MMP24: variants seen among roughly 807,000 people sequenced by gnomAD.
MMP24 encodes matrix metalloproteinase-24.
In MMP24, 25 loss-of-function variants were observed where a neutral mutation model predicts 62.8. The ratio of observed to expected loss-of-function variants is 0.40; its 90% CI spans 0.29 to 0.56. The LOEUF is 0.56. Among genes scored for constraint, MMP24 ranks in the 20% least tolerant of loss-of-function variants. MMP24 has a pLI of 0.50. For synonymous variants in MMP24, 319 were observed against 350.5 expected, an observed-to-expected ratio of 0.91 and a Z score of 1.00; for missense variants, 634 against 853.6, an observed-to-expected ratio of 0.74 and a Z score of 3.21.
rs373614485 is a variant in MMP24, at chr20:35,271,521, G to A, written c.1334-48G>A. 56 of 1,584,994 alleles carry A rather than the reference G, an allele frequency of 3.5e-5. No homozygotes were observed. The highest frequency in any genetic ancestry group is 1.7e-4 in the Admixed American group (10 of 57,676). On this transcript the variant is annotated intron_variant, in intron 7 of 8. Coordinates refer to ENST00000246186, the MANE Select transcript of MMP24 (RefSeq NM_006690.4). This position sits in a 1 kb window ranked among gnomAD's most constrained non-coding sequence, Gnocchi z 4.0. ...CCTGACACCCTGAAGATGGGCAAACGGCACTGAGTGACTGGGGAAGCTGAT... is the reference window on the plus strand; with the variant it reads ...CCTGACACCCTGAAGATGGGCAAACAGCACTGAGTGACTGGGGAAGCTGAT...
At chr20:35,243,803 A>G (rs998980794) in intron 1 of MMP24, among the ~76,000 whole-genome samples, 1 of 152,214 alleles carries the variant, frequency 6.6e-6, no homozygotes, top group African/African-American at 2.4e-5. Context: ...TTTTTTGCCA[A>G]ACTGAGAAAA....
Position 35,230,322 on chromosome 20 carries a change from T to G in MMP24, c.246+3338T>G, listed in dbSNP as rs549557637. Among the ~76,000 whole-genome samples the G allele has an allele frequency of 1.9e-3, 289 of 152,320 alleles. 2 individuals carry two copies. Among genetic ancestry groups the G allele is most frequent in the African/African-American group, 6.4e-3 (265 of 41,576 alleles). On this transcript the variant is annotated intron_variant, in intron 1 of 8. Coordinates refer to ENST00000246186, the MANE Select transcript of MMP24 (RefSeq NM_006690.4). ...TTTTTTAATAGTTAAACATTATTTT[T>G]GGGGAGAGGAAGGTTGGTTCTTAGG...
intron 7 of MMP24, among the ~76,000 whole-genome samples, chr20:35,270,969 A>G (rs6058218): frequency 0.36 from 54,092 of 151,992 alleles, 12,251 homozygotes; most frequent in African/African-American, 0.65. Context: ...GAACCCAGGA[A>G]GTGGAGGTTG....
intron 8 of MMP24, chr20:35,272,227 C>A (rs937302399): frequency 6.6e-5 from 28 of 422,376 alleles, no homozygotes; most frequent in Non-Finnish European, 6.3e-5. Flanking sequence ...AGAAAACCTT[C>A]AAAAAAAATT....
chr20:35,247,141 T>G (rs1377586060), intron 2 of MMP24, among the ~76,000 whole-genome samples, 153 bp downstream of exon 2: 2 of 152,176 alleles, frequency 1.3e-5, no homozygotes, highest in African/African-American at 4.8e-5. Flanking sequence ...CGATGTGAGT[T>G]GGGGGTGTGC....
In MMP24 at chr20:35,267,153, T is replaced by A. The variant is rs1266149158; in HGVS notation, c.980-52T>A. 2.1e-6 allele frequency: 3 copies of A among 1,437,794 alleles called. No individual in the cohort carries two copies. In the Admixed American group the frequency reaches 6.1e-5, roughly 29 times the overall value. The allele number at this position is 1,437,794 out of a possible 1,614,324, so 89.1% of individuals were successfully genotyped here. On this transcript the variant is annotated intron_variant, in intron 5 of 8. Transcript: ENST00000246186. The stretch of plus-strand genomic sequence containing the variant: ...GCCTGGGTGATGCTGAGACTGGCAA[T>A]GGGAGGCGGGAAACGGCTGCCCCCT...
Position 35,271,857 on chromosome 20 carries a change from G to T in MMP24, c.1600+22G>T, listed in dbSNP as rs754127176. On this transcript the variant is annotated intron_variant, in intron 8 of 8. Transcript: ENST00000246186. This position sits in a 1 kb window ranked among gnomAD's most constrained non-coding sequence, Gnocchi z 4.0. Reference sequence around the variant, plus strand: ...GGATGTACGTAAGGGCCGGGCCAGGGTGGGCATGGGGAGCCGGTTTTATGT... The same window carrying T: ...GGATGTACGTAAGGGCCGGGCCAGGTTGGGCATGGGGAGCCGGTTTTATGT... The T allele has an allele frequency of 1.3e-6, 2 of 1,596,070 alleles. No homozygotes were observed. The highest frequency in any genetic ancestry group is 8.5e-7 in the Non-Finnish European group (1 of 1,172,382).
chr20:35,263,760 C>T, intron 4 of MMP24, 31 bp from the exon 5 acceptor site: 2 of 1,475,434 alleles, frequency 1.4e-6, no homozygotes, highest in Non-Finnish European at 1.8e-6. Flanking sequence ...AAGCAGGTGC[C>T]CTGGGCACCT....
chr20:35,249,724 G>A (rs2060534586), intron 2 of MMP24, among the ~76,000 whole-genome samples: 2 of 151,882 alleles, frequency 1.3e-5, no homozygotes, highest in Non-Finnish European at 2.9e-5. Flanking sequence ...AAGTAGCTGG[G>A]ACTACAGGGG....
chr20:35,231,064 C>T (rs2060435510), intron 1 of MMP24, among the ~76,000 whole-genome samples: 1 of 152,152 alleles, frequency 6.6e-6, no homozygotes, highest in African/African-American at 2.4e-5. Flanking sequence ...TGGCTTCCTT[C>T]ATTTGATTTA....
intron 4 of MMP24, among the ~76,000 whole-genome samples, chr20:35,260,837 A>C (rs942371087): frequency 6.6e-6 from 1 of 152,172 alleles, no homozygotes; most frequent in Non-Finnish European, 1.5e-5. Context: ...GGTCTGCCCC[A>C]TGGGGTTCTT....
intron 1 of MMP24, 50 bp downstream of exon 1, chr20:35,227,034 G>T (rs1285833546): frequency 1.0e-6 from 1 of 978,400 alleles, no homozygotes; most frequent in South Asian, 4.5e-5. Context: ...ATCCGGGCAG[G>T]GCGGGGGGCG....
intron 3 of MMP24, among the ~76,000 whole-genome samples, chr20:35,253,958 C>T (rs2060562094): frequency 1.3e-5 from 2 of 150,936 alleles, no homozygotes; most frequent in East Asian, 3.9e-4. Context: ...CAACCTCTGC[C>T]TCCGGGTTCA....
chr20:35,240,299 G>A (rs993164481), intron 1 of MMP24, among the ~76,000 whole-genome samples: 1 of 152,010 alleles, frequency 6.6e-6, no homozygotes, highest in Non-Finnish European at 1.5e-5. Context: ...CCTTCTGGCC[G>A]GCAGACCAGT....
At chr20:35,266,931 A>G (rs372063928) in intron 5 of MMP24, among the ~76,000 whole-genome samples, 163 of 152,238 alleles carry the variant, frequency 1.1e-3, no homozygotes, top group African/African-American at 3.7e-3. Flanking sequence ...GGTATGGCCT[A>G]AGGAAGAGCG....
chr20:35,230,060 G>A (rs907901838), intron 1 of MMP24, among the ~76,000 whole-genome samples: 11 of 152,062 alleles, frequency 7.2e-5, no homozygotes, highest in Non-Finnish European at 1.3e-4. Context: ...GGTGATCTCG[G>A]CTCACTGCAA....
chr20:35,251,235 C>T (rs1295607592), intron 2 of MMP24, among the ~76,000 whole-genome samples: 2 of 151,858 alleles, frequency 1.3e-5, no homozygotes, highest in South Asian at 2.1e-4. Flanking sequence ...TCCCCTGCCT[C>T]GGCCTGCTGA....
At chr20:35,230,199 A>G (rs2060431844) in intron 1 of MMP24, among the ~76,000 whole-genome samples, 1 of 152,082 alleles carries the variant, frequency 6.6e-6, no homozygotes, top group Non-Finnish European at 1.5e-5. Context: ...CGTATTGGCC[A>G]GGCTGGTCTC....
Position 35,269,740 on chromosome 20 carries a change from C to G in MMP24, c.1195-20C>G. On this transcript the variant is annotated intron_variant, in intron 6 of 8. Coordinates refer to ENST00000246186, the MANE Select transcript of MMP24 (RefSeq NM_006690.4). The surrounding 1 kb of genome is among the most constrained non-coding windows in gnomAD (Gnocchi z 4.6). ...GCAGGGCCTGACACACCTCTCTCCCCCTCTCCCGCTTCCTCCCAGGATCGC... is the reference window on the plus strand; with the variant it reads ...GCAGGGCCTGACACACCTCTCTCCCGCTCTCCCGCTTCCTCCCAGGATCGC... 2 of 1,562,258 alleles carry G rather than the reference C, an allele frequency of 1.3e-6. No homozygotes were observed. Among genetic ancestry groups the G allele is most frequent in the Non-Finnish European group, 1.7e-6 (2 of 1,153,396 alleles).
Sources: allele counts gnomAD v4.1 joint callset (sites outside exome capture counted in the v4.1 genomes callset), GRCh38; gene constraint gnomAD v4.1.1; non-coding constraint Gnocchi (gnomAD v3.1); transcripts MANE v1.5; gene names NCBI Gene and HGNC (gene_info 2026-07-23, HGNC 2026-07-21).